The following PKNOX2 variants were observed in gnomAD, a reference collection of about 807,000 sequenced individuals.
PKNOX2 encodes the protein homeobox protein PKNOX2.
PKNOX2 carries 14 observed loss-of-function variants against 53.1 expected under a neutral mutation model. That is an observed-to-expected ratio of 0.26 (90% CI 0.17 to 0.41). PKNOX2 has a LOEUF of 0.41. Among genes scored for constraint, PKNOX2 ranks in the 10% least tolerant of loss-of-function variants. PKNOX2 has a pLI of 1.00. For synonymous variants in PKNOX2, 257 were observed against 242.8 expected, an observed-to-expected ratio of 1.06 and a Z score of -0.54; for missense variants, 496 against 602.8, an observed-to-expected ratio of 0.82 and a Z score of 1.85.
intron 12 of PKNOX2, 41 bp downstream of exon 12, chr11:125,430,182 G>T: frequency 6.3e-7 from 1 of 1,596,494 alleles, no homozygotes; most frequent in Non-Finnish European, 8.5e-7. Flanking sequence ...AAGGGCTGGG[G>T]GTGCTCCTGG....
At chr11:125,387,418 T>C (rs1173145380) in intron 6 of PKNOX2, among the ~76,000 whole-genome samples, 3 of 152,178 alleles carry the variant, frequency 2.0e-5, no homozygotes, top group South Asian at 2.1e-4. Context: ...AAATTTCTCA[T>C]GCCCTGCCCA....
intron 1 of PKNOX2, among the ~76,000 whole-genome samples, chr11:125,218,881 C>A (rs1458304103): frequency 6.6e-6 from 1 of 152,146 alleles, no homozygotes; most frequent in Non-Finnish European, 1.5e-5. Flanking sequence ...AATTCAGGGG[C>A]TCCATGACAT....
chr11:125,348,313 G>A (rs564444703), intron 3 of PKNOX2, among the ~76,000 whole-genome samples: 5 of 152,332 alleles, frequency 3.3e-5, no homozygotes, highest in African/African-American at 1.2e-4. Context: ...CAGCAGCTGA[G>A]CTCCCGGAGT....
intron 12 of PKNOX2, 47 bp from the exon 13 acceptor site, chr11:125,431,119 C>T: frequency 6.3e-7 from 1 of 1,590,994 alleles, no homozygotes; most frequent in South Asian, 1.2e-5. Flanking sequence ...GGTGCTGGCC[C>T]TGACCAGCAG....
At chr11:125,359,293 TAGCGA>T (rs891879898) in intron 4 of PKNOX2, among the ~76,000 whole-genome samples, 5 of 152,148 alleles carry the variant, frequency 3.3e-5, no homozygotes, top group African/African-American at 1.2e-4. Context: ...CTGTGACTGT[TAGCGA>T]AGGGTCCCTC....
At chr11:125,221,051 A>G (rs1427183707) in intron 1 of PKNOX2, among the ~76,000 whole-genome samples, 1 of 152,126 alleles carries the variant, frequency 6.6e-6, no homozygotes, top group African/African-American at 2.4e-5. Flanking sequence ...GCTACTTGGG[A>G]GGCAGAGGCA....
At chr11:125,243,844 G>A (rs753479302) in intron 2 of PKNOX2, among the ~76,000 whole-genome samples, 3 of 152,174 alleles carry the variant, frequency 2.0e-5, no homozygotes, top group Admixed American at 1.3e-4. Flanking sequence ...GGATGGTCTC[G>A]ATCTCCTGAC....
In PKNOX2 at chr11:125,385,631, C is replaced by A; in HGVS notation, c.308C>A (p.Ala103Asp). The change falls in exon 6 of 13, where the codon GCC becomes GAC. Residue 103 changes from alanine to aspartate, a missense_variant. Ala to Asp is a moderately radical substitution (Grantham distance 126, BLOSUM62 -2). Coordinates refer to ENST00000298282, the MANE Select transcript of PKNOX2 (RefSeq NM_001382323.2). ...CAGGGCTCTGAGTGCATCACCTCCG[C>A]CAGCTTTGATGTGGACATCGAGAAC... ...ATQGSECITS[A>D]SFDVDIENFV... 1 of 1,614,036 alleles carries A rather than the reference C, an allele frequency of 6.2e-7. No homozygotes were observed. Among genetic ancestry groups the A allele is most frequent in the South Asian group, 1.1e-5 (1 of 91,024 alleles).
chr11:125,361,024 T>C (rs1951897135), intron 4 of PKNOX2, among the ~76,000 whole-genome samples: 1 of 152,222 alleles, frequency 6.6e-6, no homozygotes, highest in Non-Finnish European at 1.5e-5. Context: ...CAGTCAGTTA[T>C]GTGGTCAGGA....
intron 2 of PKNOX2, among the ~76,000 whole-genome samples, chr11:125,289,462 A>C (rs1283011583): frequency 6.6e-6 from 1 of 152,212 alleles, no homozygotes; most frequent in Non-Finnish European, 1.5e-5. Flanking sequence ...TTGAATGAGG[A>C]TCAAGTGAGA....
At chr11:125,423,314 A>G (rs369026370) in intron 10 of PKNOX2, among the ~76,000 whole-genome samples, 2 of 152,190 alleles carry the variant, frequency 1.3e-5, no homozygotes, top group South Asian at 2.1e-4. Flanking sequence ...TAGAGAGGTG[A>G]CCGGTGTGCC....
At chr11:125,389,059 G>T (rs1053021076) in intron 6 of PKNOX2, among the ~76,000 whole-genome samples, 1 of 152,184 alleles carries the variant, frequency 6.6e-6, no homozygotes, top group African/African-American at 2.4e-5. Context: ...GCCAGGTGTG[G>T]TGGTACATGT....
intron 1 of PKNOX2, among the ~76,000 whole-genome samples, chr11:125,185,209 G>C (rs606960): frequency 0.21 from 31,352 of 152,202 alleles, 3,825 homozygotes; most frequent in South Asian, 0.33. Flanking sequence ...AGTCGAGGCT[G>C]TTGCAAAACC....
At chr11:125,305,960 G>A (rs1181067288) in intron 2 of PKNOX2, among the ~76,000 whole-genome samples, 2 of 152,148 alleles carry the variant, frequency 1.3e-5, no homozygotes, top group Admixed American at 1.3e-4. Context: ...CTTTTTAAAA[G>A]CCAGGTGTAA....
At position 125,165,174 on chromosome 11, in the gene PKNOX2, C is replaced by T. The variant is rs940027217; in HGVS notation, c.-201+398C>T. ...GCCGCCGCCGCCGCCGCCGCCTCGCCGCGCTTGGGCCCGTGGCCGGCCGCG... is the reference window on the plus strand; with the variant it reads ...GCCGCCGCCGCCGCCGCCGCCTCGCTGCGCTTGGGCCCGTGGCCGGCCGCG... On this transcript the variant is annotated intron_variant, in intron 1 of 12. Coordinates refer to ENST00000298282, the MANE Select transcript of PKNOX2 (RefSeq NM_001382323.2). The surrounding 1 kb of genome is among the most constrained non-coding windows in gnomAD (Gnocchi z 4.5). Among the ~76,000 whole-genome samples the T allele has an allele frequency of 2.7e-5, 4 of 150,006 alleles. No homozygotes were observed. The highest frequency in any genetic ancestry group is 9.7e-5 in the African/African-American group (4 of 41,174).
chr11:125,283,925 C>T (rs112756977), intron 2 of PKNOX2, among the ~76,000 whole-genome samples: 9 of 152,102 alleles, frequency 5.9e-5, no homozygotes, highest in African/African-American at 9.7e-5. Flanking sequence ...CATCTCACAC[C>T]GGGCCTACTT....
intron 1 of PKNOX2, among the ~76,000 whole-genome samples, chr11:125,215,315 A>T (rs1427132853): frequency 6.6e-6 from 1 of 151,964 alleles, no homozygotes; most frequent in Non-Finnish European, 1.5e-5. Context: ...GTGAGTTAGG[A>T]GAATCAGCAC....
chr11:125,413,625 G>A (rs915760364), intron 10 of PKNOX2, among the ~76,000 whole-genome samples: 9 of 152,212 alleles, frequency 5.9e-5, no homozygotes, highest in African/African-American at 1.7e-4. Context: ...TGAGGCAGCT[G>A]AACCTGGGTT....
chr11:125,373,485 T>C (rs1477764326), intron 5 of PKNOX2, among the ~76,000 whole-genome samples: 1 of 152,224 alleles, frequency 6.6e-6, no homozygotes, highest in Non-Finnish European at 1.5e-5. Context: ...TAGTACCATC[T>C]CCTCATCTAG....
Sources: gnomAD v4.1 joint callset for allele counts (sites outside exome capture counted in the v4.1 genomes callset) on GRCh38, gnomAD v4.1.1 for gene constraint, Gnocchi (gnomAD v3.1) non-coding constraint, MANE v1.5 for transcripts, NCBI Gene and HGNC (gene_info 2026-07-23, HGNC 2026-07-21) for gene names.